Variants in HLCS observed in about 807,000 individuals in gnomAD.
HLCS encodes the protein biotin--protein ligase.
A neutral mutation model predicts 75.0 loss-of-function variants in HLCS; 53 were observed. The ratio of observed to expected loss-of-function variants is 0.71; its 90% confidence interval spans 0.57 to 0.89. HLCS has a LOEUF of 0.89. Among genes scored for constraint, HLCS ranks in the 40% least tolerant of loss-of-function variants. The probability of loss-of-function intolerance (pLI) is 0.00; values close to 1 mark genes in which losing one functional copy is unlikely to be tolerated. For missense variants in HLCS, 966 were observed against 1,074.0 expected (o/e 0.90, Z 1.41); for synonymous variants, 431 against 428.6 (o/e 1.01, Z -0.07).
chr21:36,872,919 C>T lies in HLCS; in HGVS notation c.1892+23941G>A, dbSNP rs76989399. ...CTCCACTATTTTTTTTCAAAATGGT[C>T]GTATCATTTTATATTCCCACCAACG... On this transcript the variant is annotated intron_variant, in intron 6 of 10. Transcript: ENST00000674895. Among the ~76,000 whole-genome samples, 493 of 152,014 alleles carry T rather than the reference C, an allele frequency of 3.2e-3. 5 individuals are homozygous for T. In the East Asian group the frequency reaches 0.039, roughly 12 times the overall value.
intron 6 of HLCS, among the ~76,000 whole-genome samples, chr21:36,773,037 T>C (rs1056988497): frequency 6.6e-6 from 1 of 152,018 alleles, no homozygotes; most frequent in Non-Finnish European, 1.5e-5. Context: ...GATTTAAATG[T>C]CTCCTTTATG....
intron 6 of HLCS, among the ~76,000 whole-genome samples, chr21:36,872,898 A>G (rs933760493): frequency 2.0e-5 from 3 of 152,056 alleles, no homozygotes; most frequent in Non-Finnish European, 4.4e-5. Flanking sequence ...AAATTGCTCC[A>G]CTATTTTTTT....
chr21:36,912,310 C>T (rs1158585531), intron 5 of HLCS, among the ~76,000 whole-genome samples: 2 of 145,386 alleles, frequency 1.4e-5, no homozygotes, highest in Non-Finnish European at 3.0e-5. Context: ...AAAAAAAAAA[C>T]AAGGTATGAA....
chr21:36,869,237 G>A (rs1408641510), intron 6 of HLCS, among the ~76,000 whole-genome samples: 3 of 151,976 alleles, frequency 2.0e-5, no homozygotes, highest in Non-Finnish European at 4.4e-5. Flanking sequence ...CCATTCTCCC[G>A]CCTCAGCCTC....
At chr21:36,907,522 G>A (rs1321495157) in intron 5 of HLCS, among the ~76,000 whole-genome samples, 1 of 152,106 alleles carries the variant, frequency 6.6e-6, no homozygotes, top group Non-Finnish European at 1.5e-5. Context: ...CAGGCATGGT[G>A]GCATGAACCT....
intron 6 of HLCS, among the ~76,000 whole-genome samples, chr21:36,878,018 TA>T (rs2064052776): frequency 6.6e-6 from 1 of 152,062 alleles, no homozygotes; most frequent in Non-Finnish European, 1.5e-5. Flanking sequence ...TTTTTTTTTT[TA>T]ATCTTTGGTC....
intron 6 of HLCS, among the ~76,000 whole-genome samples, chr21:36,779,077 T>C (rs1187213859): frequency 6.6e-6 from 1 of 152,188 alleles, no homozygotes. Context: ...CAATTGTCCC[T>C]TGGTATTCAT....
rs149872898 is a variant in HLCS, at chr21:36,779,320, CTTCT to C, written c.1893-12039_1893-12036del. Among the ~76,000 whole-genome samples the C allele has an allele frequency of 4.9e-3, 747 of 151,890 alleles. 7 individuals are homozygous for C. The highest frequency in any genetic ancestry group is 0.012 in the African/African-American group (501 of 41,364). On this transcript the variant is annotated intron_variant, in intron 6 of 10. Transcript: ENST00000674895. ...CCCTCCTTCCTTCCTTCCCTCCTTC[CTTCT>C]TTCTTTCTTCCTTCCTCTAGATTCT...
chr21:36,884,605 G>A (rs1295564017), intron 6 of HLCS, among the ~76,000 whole-genome samples: 1 of 152,168 alleles, frequency 6.6e-6, no homozygotes, highest in African/African-American at 2.4e-5. Flanking sequence ...TTTCTCTAAG[G>A]TAAACCTGAA....
At chr21:36,897,316 T>G (rs2052929526) in intron 5 of HLCS, among the ~76,000 whole-genome samples, 185 bp from the exon 6 acceptor site, 1 of 152,200 alleles carries the variant, frequency 6.6e-6, no homozygotes, top group Admixed American at 6.5e-5. Flanking sequence ...CTTAGTATAC[T>G]TATACTATAA....
intron 6 of HLCS, among the ~76,000 whole-genome samples, chr21:36,821,418 T>C (rs1012222943): frequency 5.9e-5 from 9 of 152,344 alleles, no homozygotes; most frequent in Admixed American, 4.6e-4. Context: ...CTACAATTGC[T>C]AGACATCCGT....
intron 6 of HLCS, among the ~76,000 whole-genome samples, chr21:36,876,584 T>C (rs1446991497): frequency 6.6e-6 from 1 of 152,198 alleles, no homozygotes; most frequent in African/African-American, 2.4e-5. Context: ...TTGTTATTGA[T>C]TTCTAATTTA....
At chr21:36,958,300 C>T (rs1020503809) in intron 2 of HLCS, among the ~76,000 whole-genome samples, 6 of 151,330 alleles carry the variant, frequency 4.0e-5, no homozygotes, top group African/African-American at 1.5e-4. Flanking sequence ...TCACCAAAAC[C>T]GTCGTATCAA....
chr21:36,903,189 G>A (rs572277378), intron 5 of HLCS, among the ~76,000 whole-genome samples: 13 of 152,112 alleles, frequency 8.5e-5, no homozygotes, highest in East Asian at 3.9e-4. Flanking sequence ...TTCGGTTTTC[G>A]GACTACAGAA....
In HLCS at chr21:36,765,304, A is replaced by G. The variant is rs551185733; in HGVS notation, c.1961-132T>C. ...TGCTTATTGTATTACAACGCTTATT[A>G]TATTCTGGGCTTAATAAAAGAAAAG... On this transcript the variant is annotated intron_variant, in intron 7 of 10. Transcript: ENST00000674895. 13 of 903,024 alleles carry G rather than the reference A, an allele frequency of 1.4e-5. No homozygotes were observed. In the East Asian group the frequency reaches 3.2e-4, roughly 22 times the overall value. 55.9% of individuals were successfully genotyped at this position (903,024 alleles called of 1,614,324 possible). A position where few individuals can be genotyped will look rare whatever the true frequency, so the allele number is the denominator to read the frequency against.
At chr21:36,817,490 C>T (rs1479599740) in intron 6 of HLCS, among the ~76,000 whole-genome samples, 1 of 152,092 alleles carries the variant, frequency 6.6e-6, no homozygotes, top group Non-Finnish European at 1.5e-5. Context: ...TGTGAGATCT[C>T]CTAATTCTCC....
chr21:36,969,702 A>C (rs2068733733), upstream of HLCS: 1 of 151,902 alleles, frequency 6.6e-6, no homozygotes, highest in Non-Finnish European at 1.5e-5. Flanking sequence ...CCTCCCGAGT[A>C]GCTGGGATTA....
intron 5 of HLCS, among the ~76,000 whole-genome samples, chr21:36,929,297 T>C (rs990766682): frequency 6.6e-6 from 1 of 152,128 alleles, no homozygotes; most frequent in Non-Finnish European, 1.5e-5. Flanking sequence ...CTGGCTAAGG[T>C]AGCCAGCCCC....
At chr21:36,866,357 T>C (rs1197710198) in intron 6 of HLCS, among the ~76,000 whole-genome samples, 3 of 152,208 alleles carry the variant, frequency 2.0e-5, no homozygotes, top group African/African-American at 7.2e-5. Flanking sequence ...TGTGACATGA[T>C]TATGAATATT....
Sources: allele counts gnomAD v4.1 joint callset (sites outside exome capture counted in the v4.1 genomes callset), GRCh38; gene constraint gnomAD v4.1.1; transcripts MANE v1.5; gene names NCBI Gene and HGNC (gene_info 2026-07-23, HGNC 2026-07-21).